RAB2A: variants seen among roughly 807,000 people sequenced by gnomAD.
RAB2A encodes the protein RAB2A, member RAS oncogene family.
Under a neutral mutation model 32.5 loss-of-function variants are expected in RAB2A, and 7 were observed. The ratio of observed to expected loss-of-function variants is 0.22; its 90% CI spans 0.12 to 0.40. The LOEUF (loss-of-function observed/expected upper bound fraction) is 0.40, where lower values mean the gene tolerates loss of function less well. Among genes scored for constraint, RAB2A ranks in the 10% least tolerant of loss-of-function variants. RAB2A has a pLI of 1.00. For synonymous variants in RAB2A, 79 were observed against 85.2 expected (o/e 0.93, Z 0.40); for missense variants, 108 against 260.7 (o/e 0.41, Z 4.03).
chr8:60,545,025 G>A (rs1054842453), intron 1 of RAB2A, among the ~76,000 whole-genome samples: 1 of 152,084 alleles, frequency 6.6e-6, no homozygotes, highest in African/African-American at 2.4e-5. Flanking sequence ...GATTACAGGC[G>A]TGAGCCACCA....
At chr8:60,604,731 A>G (rs1804196857) in intron 6 of RAB2A, among the ~76,000 whole-genome samples, 1 of 152,208 alleles carries the variant, frequency 6.6e-6, no homozygotes, top group Non-Finnish European at 1.5e-5. Flanking sequence ...CTAAGCGACA[A>G]AGCATTGAAG....
At chr8:60,589,742 C>T (rs1397994923) in intron 5 of RAB2A, among the ~76,000 whole-genome samples, 1 of 152,092 alleles carries the variant, frequency 6.6e-6, no homozygotes, top group African/African-American at 2.4e-5. Flanking sequence ...ATTTTTAAAA[C>T]TTTGCACTAA....
chr8:60,576,033 T>A (rs1365351951), intron 3 of RAB2A, among the ~76,000 whole-genome samples: 1 of 152,232 alleles, frequency 6.6e-6, no homozygotes, highest in African/African-American at 2.4e-5. Context: ...CCACCTTTGC[T>A]TTCTTTTGCC....
chr8:60,618,610 G>GA lies in RAB2A; in HGVS notation c.511dup (p.Ile171AsnfsTer7). On this transcript the variant is annotated frameshift_variant, in exon 7 of 8. Coordinates refer to ENST00000262646, the MANE Select transcript of RAB2A (RefSeq NM_002865.3). LOFTEE classifies it high-confidence loss of function. ...TATTAATACAGCAAAAGAAATTTAT[G>GA]AAAAAATTCAAGAAGGAGTCTTTGA... is the stretch of plus-strand genomic sequence containing the variant. 1 of 1,215,288 alleles carries GA rather than the reference G, an allele frequency of 8.2e-7. No individual in the cohort carries two copies. The highest frequency in any genetic ancestry group is 1.1e-6 in the Non-Finnish European group (1 of 908,706). 75.3% of individuals were successfully genotyped at this position (1,215,288 alleles called of 1,614,324 possible). A position where few individuals can be genotyped will look rare whatever the true frequency, so the allele number is the denominator to read the frequency against.
intron 6 of RAB2A, among the ~76,000 whole-genome samples, chr8:60,605,969 T>C (rs1804224486): frequency 1.3e-5 from 2 of 151,792 alleles, no homozygotes. Context: ...ACCAATATGG[T>C]GAAACCTCAT....
chr8:60,528,301 A>G (rs1807422823), intron 1 of RAB2A, among the ~76,000 whole-genome samples: 1 of 152,248 alleles, frequency 6.6e-6, no homozygotes, highest in Non-Finnish European at 1.5e-5. Context: ...AATGGGAATG[A>G]ATAAATGATA....
intron 1 of RAB2A, chr8:60,552,528 C>G (rs1202148341): frequency 6.6e-6 from 1 of 152,156 alleles, no homozygotes; most frequent in Admixed American, 6.5e-5. Context: ...CATTGTTTTA[C>G]ATTTCTAAAC....
chr8:60,619,419 A>C lies in RAB2A; in HGVS notation c.543+771A>C, dbSNP rs145725979. ...GAAAGAAAAGCCCTGGTTTCTCCCC[A>C]GTTGCAGTTAGAAAAGCATTGTGTT... On this transcript the variant is annotated intron_variant, in intron 7 of 7. Transcript: ENST00000262646. Among the ~76,000 whole-genome samples, 1,024 of 152,296 alleles carry C rather than the reference A, an allele frequency of 6.7e-3. 16 individuals are homozygous for C. The highest frequency in any genetic ancestry group is 8.7e-3 in the Non-Finnish European group (595 of 68,028).
intron 2 of RAB2A, among the ~76,000 whole-genome samples, chr8:60,567,515 T>C (rs1049906735): frequency 6.6e-6 from 1 of 152,202 alleles, no homozygotes; most frequent in Non-Finnish European, 1.5e-5. Context: ...AGATGGAACT[T>C]TGCCAAGTTG....
intron 1 of RAB2A, among the ~76,000 whole-genome samples, chr8:60,526,017 GTACA>G (rs1361076713): frequency 4.0e-5 from 3 of 74,246 alleles, no homozygotes; most frequent in Admixed American, 1.4e-4. Flanking sequence ...ATGTGTGTGT[GTACA>G]TATATATATA....
chr8:60,579,228 A>T (rs1465039326), intron 3 of RAB2A, among the ~76,000 whole-genome samples: 1 of 152,224 alleles, frequency 6.6e-6, no homozygotes, highest in Non-Finnish European at 1.5e-5. Context: ...TTTTTTGTAG[A>T]GACGGGGTTT....
At chr8:60,616,040 G>A (rs1804442019) in intron 6 of RAB2A, among the ~76,000 whole-genome samples, 1 of 152,120 alleles carries the variant, frequency 6.6e-6, no homozygotes, top group South Asian at 2.1e-4. Context: ...AAGTAATGTA[G>A]CATTATCCAA....
At chr8:60,521,225 C>T (rs919122136) in intron 1 of RAB2A, among the ~76,000 whole-genome samples, 2 of 152,124 alleles carry the variant, frequency 1.3e-5, no homozygotes, top group African/African-American at 4.8e-5. Context: ...TGGATGGATC[C>T]TTGAGGGGAG....
intron 1 of RAB2A, among the ~76,000 whole-genome samples, chr8:60,533,092 C>T (rs572351423): frequency 1.3e-4 from 20 of 152,330 alleles, no homozygotes; most frequent in Middle Eastern, 3.4e-3. Context: ...TGTAAAATAA[C>T]CGTACAAATA....
At chr8:60,560,700 A>C (rs1383538472) in intron 2 of RAB2A, among the ~76,000 whole-genome samples, 1 of 151,628 alleles carries the variant, frequency 6.6e-6, no homozygotes, top group African/African-American at 2.4e-5. Flanking sequence ...ACACAAATTC[A>C]TATATTTTCT....
intron 6 of RAB2A, among the ~76,000 whole-genome samples, chr8:60,598,937 CAAAAAAAAAAAAA>C (rs56406651): frequency 2.5e-4 from 10 of 40,384 alleles, no homozygotes; most frequent in East Asian, 8.5e-4. Context: ...TGCAGTAAAG[CAAAAAAAAAAAAA>C]AAAAAAAAAA....
chr8:60,587,329 A>G (rs1232948588), intron 5 of RAB2A, among the ~76,000 whole-genome samples: 3 of 152,218 alleles, frequency 2.0e-5, no homozygotes, highest in African/African-American at 4.8e-5. Flanking sequence ...ATGAACCTCA[A>G]CTGTTACATT....
At chr8:60,590,714 A>G (rs1803929022) in intron 5 of RAB2A, among the ~76,000 whole-genome samples, 1 of 151,610 alleles carries the variant, frequency 6.6e-6, no homozygotes, top group Non-Finnish European at 1.5e-5. Flanking sequence ...ACTGTAATTC[A>G]CCAGTTTAAA....
At chr8:60,537,687 A>C (rs529075571) in intron 1 of RAB2A, among the ~76,000 whole-genome samples, 1 of 151,878 alleles carries the variant, frequency 6.6e-6, no homozygotes, top group African/African-American at 2.4e-5. Context: ...TTTCTTTTTT[A>C]TTTTATTTTA....
Sources: gnomAD v4.1 joint callset for allele counts (sites outside exome capture counted in the v4.1 genomes callset) on GRCh38, gnomAD v4.1.1 for gene constraint, MANE v1.5 for transcripts, NCBI Gene and HGNC (gene_info 2026-07-23, HGNC 2026-07-21) for gene names.